The following FMO5 variants were observed in gnomAD, a reference collection of about 807,000 sequenced individuals.
FMO5 encodes the protein flavin containing dimethylaniline monoxygenase 5.
A neutral mutation model predicts 43.6 loss-of-function variants in FMO5; 51 were observed. That is an observed-to-expected ratio of 1.17 (90% confidence interval 0.93 to 1.48). The LOEUF is 1.48. Among genes scored for constraint, FMO5 ranks in the 40% most tolerant of loss-of-function variants. The pLI is 0.00. For missense variants in FMO5, 644 were observed against 643.0 expected (o/e 1.00, Z -0.02); for synonymous variants, 187 against 216.5 (o/e 0.86, Z 1.20).
chr1:147,222,039 A>T (rs587697448), intron 2 of FMO5, among the ~76,000 whole-genome samples: 2 of 152,158 alleles, frequency 1.3e-5, no homozygotes, highest in Non-Finnish European at 2.9e-5. Context: ...TTTCCTACCT[A>T]GGCACAAGGC....
chr1:147,185,462 GAA>G (rs1311843318), downstream of FMO5, among the ~76,000 whole-genome samples: 1 of 152,128 alleles, frequency 6.6e-6, no homozygotes, highest in African/African-American at 2.4e-5. Flanking sequence ...AAGGATTAGG[GAA>G]AGCAAAAGAC....
intron 7 of FMO5, among the ~76,000 whole-genome samples, chr1:147,194,833 G>GC (rs1361858418): frequency 6.6e-6 from 1 of 151,898 alleles, no homozygotes; most frequent in Non-Finnish European, 1.5e-5. Context: ...TTGAATATTG[G>GC]CCCCCACTCT....
chr1:147,188,852 A>T (rs1476916552), intron 8 of FMO5, among the ~76,000 whole-genome samples: 1 of 152,026 alleles, frequency 6.6e-6, no homozygotes, highest in Non-Finnish European at 1.5e-5. Flanking sequence ...AAGGAAAGAG[A>T]GGAGGAAAGT....
At chr1:147,197,318 C>A (rs1249856940) in intron 7 of FMO5, among the ~76,000 whole-genome samples, 1 of 152,164 alleles carries the variant, frequency 6.6e-6, no homozygotes, top group East Asian at 1.9e-4. Flanking sequence ...GCTCTCATGG[C>A]AGCTCTTCTG....
At chr1:147,224,845 C>A (rs1553927171) in intron 2 of FMO5, 50 bp downstream of exon 2, 1 of 1,566,852 alleles carries the variant, frequency 6.4e-7, no homozygotes, top group South Asian at 1.1e-5. Context: ...TCGTATGCAC[C>A]TAGTTGCAGG....
At chr1:147,204,377 C>T (rs1199370666) in intron 6 of FMO5, 5 of 1,041,048 alleles carry the variant, frequency 4.8e-6, no homozygotes, top group Admixed American at 3.4e-5. Flanking sequence ...GATACGCATG[C>T]CTGAACAATA....
At chr1:147,202,312 CTTTTTTTTTT>C (rs55820230) in intron 6 of FMO5, among the ~76,000 whole-genome samples, 5 of 77,466 alleles carry the variant, frequency 6.5e-5, no homozygotes, top group African/African-American at 1.9e-4. Context: ...AAAAGCAGTT[CTTTTTTTTTT>C]TTTTTTTTTT....
intron 3 of FMO5, among the ~76,000 whole-genome samples, chr1:147,214,401 A>C (rs1192661247): frequency 1.3e-5 from 2 of 151,748 alleles, no homozygotes; most frequent in African/African-American, 2.4e-5. Flanking sequence ...CAGTGAGCCG[A>C]GATCGTGTCA....
At chr1:147,193,183 C>T (rs2101747188) in intron 7 of FMO5, among the ~76,000 whole-genome samples, 1 of 152,238 alleles carries the variant, frequency 6.6e-6, no homozygotes, top group South Asian at 2.1e-4. Flanking sequence ...GCCACAATTT[C>T]AGAGCCTGTT....
chr1:147,185,197 A>T (rs1362890471), downstream of FMO5, among the ~76,000 whole-genome samples: 1 of 151,978 alleles, frequency 6.6e-6, no homozygotes, highest in Admixed American at 6.6e-5. Flanking sequence ...AACCTTGCAT[A>T]TAATATGTAC....
At chr1:147,199,590 A>C (rs192957868) in intron 7 of FMO5, among the ~76,000 whole-genome samples, 2 of 152,288 alleles carry the variant, frequency 1.3e-5, no homozygotes, top group Non-Finnish European at 2.9e-5. Flanking sequence ...AAAGAGTCCC[A>C]GTTGCTTAAA....
At chr1:147,224,192 G>T (rs1485671710) in intron 2 of FMO5, 1 of 256,418 alleles carries the variant, frequency 3.9e-6, no homozygotes, top group Non-Finnish European at 7.8e-6. Context: ...GACAAAGGAG[G>T]TGTGGCTAAG....
At chr1:147,203,556 G>A in intron 6 of FMO5, 2 of 972,074 alleles carry the variant, frequency 2.1e-6, no homozygotes, top group South Asian at 1.3e-5. Flanking sequence ...TAACTCCAGA[G>A]TTTTCTCCAG....
intron 3 of FMO5, chr1:147,215,472 C>T (rs1661833835): frequency 3.0e-6 from 1 of 330,308 alleles, no homozygotes; most frequent in Admixed American, 4.6e-5. Flanking sequence ...AAAACATTTC[C>T]CTTCATCTGT....
At position 147,220,059 on chromosome 1, in the gene FMO5, C is replaced by T. The variant is rs148448751; in HGVS notation, c.136-4117G>A. ...TTCACTATGTTGGCCAGGCTGGTCT[C>T]GATCTCCTGACCTCGTGATCCACCC... On this transcript the variant is annotated intron_variant, in intron 2 of 8. Coordinates refer to ENST00000254090, the MANE Select transcript of FMO5 (RefSeq NM_001461.4). 5.6e-3 allele frequency among the ~76,000 whole-genome samples: 855 copies of T among 152,066 alleles called. 11 individuals are homozygous for T. The highest frequency in any genetic ancestry group is 0.02 in the Middle Eastern group (6 of 294).
In FMO5 at chr1:147,215,810, C is replaced by G. The variant is rs1355592356; in HGVS notation, c.268G>C (p.Glu90Gln). The G allele has an allele frequency of 1.2e-6, 2 of 1,613,476 alleles. No homozygotes were observed. Among genetic ancestry groups the G allele is most frequent in the South Asian group, 1.1e-5 (1 of 91,014 alleles). The change falls in exon 3 of 9, where the codon GAG becomes CAG. Residue 90 changes from glutamate to glutamine, a missense_variant. Glu to Gln is a conservative substitution (Grantham distance 29). Transcript: ENST00000254090. The stretch of plus-strand genomic sequence containing the variant: ...TCTTTGGCATACATCCTGAAATACT[C>G]CAGGACCTGGGCATTATGCATGAAG... Reference protein sequence around the residue: ...PNFMHNAQVLEYFRMYAKEFD... With the variant: ...PNFMHNAQVLQYFRMYAKEFD...
chr1:147,204,833 G>T (rs1278399627), intron 6 of FMO5: 2 of 1,603,030 alleles, frequency 1.2e-6, no homozygotes, highest in East Asian at 4.5e-5. Context: ...TTGCAAGCTT[G>T]TATGTTTCTA....
chr1:147,190,306 C>A (rs941499041), intron 7 of FMO5, 57 bp from the exon 8 acceptor site: 2 of 1,076,486 alleles, frequency 1.9e-6, no homozygotes, highest in Non-Finnish European at 2.8e-6. Flanking sequence ...AACAATAATC[C>A]TATAAACAAT....
At chr1:147,209,417 A>G (rs587776068) in intron 5 of FMO5, among the ~76,000 whole-genome samples, 8 of 142,248 alleles carry the variant, frequency 5.6e-5, no homozygotes, top group African/African-American at 1.1e-4. Flanking sequence ...CAGCCTGGGC[A>G]ACAGAGTGAG....
Sources: allele counts gnomAD v4.1 joint callset (sites outside exome capture counted in the v4.1 genomes callset), GRCh38; gene constraint gnomAD v4.1.1; transcripts MANE v1.5; gene names NCBI Gene and HGNC (gene_info 2026-07-23, HGNC 2026-07-21).